KCNH6: variants seen among roughly 807,000 people sequenced by gnomAD.
KCNH6 encodes voltage-gated inwardly rectifying potassium channel KCNH6.
In KCNH6, 81 loss-of-function variants were observed where a neutral mutation model predicts 83.4. That is an observed-to-expected ratio of 0.97 (90% confidence interval 0.81 to 1.17). KCNH6 has a LOEUF of 1.17. KCNH6 is among the 50% of genes most tolerant of loss of function. The probability of loss-of-function intolerance (pLI) is 0.00; values close to 1 mark genes in which losing one functional copy is unlikely to be tolerated. For missense variants in KCNH6, 1,203 were observed against 1,290.5 expected, an observed-to-expected ratio of 0.93 and a Z score of 1.04; for synonymous variants, 503 against 545.6, an observed-to-expected ratio of 0.92 and a Z score of 1.09.
Position 63,523,529 on chromosome 17 carries a change from T to C in KCNH6, c.76+40T>C. On this transcript the variant is annotated intron_variant, in intron 1 of 12. Transcript: ENST00000314672. The surrounding 1 kb of genome is among the most constrained non-coding windows in gnomAD (Gnocchi z 4.2). ...GTTGGGGCGGGGGGACGATCTGGAGTCCTGGTTCCGTGAAAGGGGGGGCTG... is the reference window on the plus strand; with the variant it reads ...GTTGGGGCGGGGGGACGATCTGGAGCCCTGGTTCCGTGAAAGGGGGGGCTG... The C allele has an allele frequency of 2.8e-6, 4 of 1,419,914 alleles. No homozygotes were observed. Among genetic ancestry groups the C allele is most frequent in the Non-Finnish European group, 3.9e-6 (4 of 1,024,720 alleles). The allele number at this position is 1,419,914 out of a possible 1,614,324, so 88.0% of individuals were successfully genotyped here.
In KCNH6 at chr17:63,530,297, C is replaced by T. The variant is rs573371156; in HGVS notation, c.470-40C>T. ...GTGGTGGGAGGGACGCATGAGGGTC[C>T]CCTGGCCGTGGCTGCTCTGACTCCT... is the stretch of plus-strand genomic sequence containing the variant. On this transcript the variant is annotated intron_variant, in intron 3 of 12. Coordinates refer to ENST00000314672, the MANE Select transcript of KCNH6 (RefSeq NM_001278919.2). 7.4e-6 allele frequency: 12 copies of T among 1,613,846 alleles called. No individual in the cohort carries two copies. In the South Asian group the frequency reaches 7.7e-5, roughly 10 times the overall value.
At chr17:63,536,385 G>A (rs1025216284) in intron 6 of KCNH6, among the ~76,000 whole-genome samples, 2 of 152,234 alleles carry the variant, frequency 1.3e-5, no homozygotes, top group Non-Finnish European at 2.9e-5. Context: ...GCTCAAGGCT[G>A]TAATCCCAGC....
rs191467632 is a variant in KCNH6 at position 63,523,547 on chromosome 17, G to A, written c.76+58G>A. The A allele has an allele frequency of 2.0e-6, 3 of 1,504,944 alleles. No homozygotes were observed. The highest frequency in any genetic ancestry group is 1.4e-5 in the African/African-American group (1 of 71,088). 93.2% of individuals were successfully genotyped at this position (1,504,944 alleles called of 1,614,324 possible). ...TCTGGAGTCCTGGTTCCGTGAAAGG[G>A]GGGGCTGGACCCCTTTACTAACTTC... On this transcript the variant is annotated intron_variant, in intron 1 of 12. Transcript: ENST00000314672. The surrounding 1 kb of genome is among the most constrained non-coding windows in gnomAD (Gnocchi z 4.2).
At position 63,544,291 on chromosome 17, in the gene KCNH6, G is replaced by C; in HGVS notation, c.2276G>C (p.Trp759Ser). 1 of 1,609,240 alleles carries C rather than the reference G, an allele frequency of 6.2e-7. No individual in the cohort carries two copies. Among genetic ancestry groups the C allele is most frequent in the Non-Finnish European group, 8.5e-7 (1 of 1,177,690 alleles). Residue 759 changes from tryptophan (W) to serine (S), a missense_variant, in exon 11 of 13, where the codon TGG (tryptophan) becomes TCG (serine). By Grantham distance (177) the Trp-to-Ser change is radical. Transcript: ENST00000314672. ...PLSISDASGL[W>S]PELLQEMPPR... ...AGCATCTCAGATGCATCTGGCCTCT[G>C]GCCTGAGCTACTGCAGGAAATGCCC...
chr17:63,536,952 CAA>C (rs60039258), intron 6 of KCNH6, among the ~76,000 whole-genome samples: 362 of 56,470 alleles, frequency 6.4e-3, no homozygotes, highest in African/African-American at 0.024. Flanking sequence ...GACTCCGTCT[CAA>C]AAAAAAAAAA....
At position 63,545,202 on chromosome 17, in the gene KCNH6, A is replaced by G. The variant is rs1259117832; in HGVS notation, c.2521A>G (p.Ile841Val). 6.2e-7 allele frequency: 1 copy of G among 1,613,794 alleles called. No homozygotes were observed. The highest frequency in any genetic ancestry group is 1.7e-5 in the Admixed American group (1 of 60,030). Residue 841 changes from isoleucine (I) to valine (V), a missense_variant, in exon 12 of 13, where the codon ATA becomes GTA. Coordinates refer to ENST00000314672, the MANE Select transcript of KCNH6 (RefSeq NM_001278919.2). Reference protein sequence around the residue: ...PASNDLALVPIASETTSPGPR... With the variant: ...PASNDLALVPVASETTSPGPR... ...CTCCAATGACCTGGCCTTGGTTCCT[A>G]TAGCCTCGGAGACGACGAGTCCAGG...
Position 63,540,660 on chromosome 17 carries a change from T to C in KCNH6, c.1955-1581T>C, listed in dbSNP as rs1022391276. Reference sequence around the variant, plus strand: ...GTGACCCTGGCAAGCCGCTTCCCTCTCCAGGCCTCAGCCCCCTCCTTTGTG... The same window carrying C: ...GTGACCCTGGCAAGCCGCTTCCCTCCCCAGGCCTCAGCCCCCTCCTTTGTG... On this transcript the variant is annotated intron_variant, in intron 8 of 12. Transcript: ENST00000314672. 3.3e-5 allele frequency among the ~76,000 whole-genome samples: 5 copies of C among 152,266 alleles called. No individual in the cohort carries two copies. In the East Asian group the frequency reaches 9.7e-4, roughly 29 times the overall value.
Position 63,524,186 on chromosome 17 carries a change from AT to A in KCNH6, c.127del (p.Tyr43ThrfsTer17), listed in dbSNP as rs1568062251. 1 of 1,614,172 alleles carries A rather than the reference AT, an allele frequency of 6.2e-7. No individual in the cohort carries two copies. The highest frequency in any genetic ancestry group is 2.2e-5 in the East Asian group (1 of 44,882). On this transcript the variant is annotated frameshift_variant, in exon 2 of 13. Transcript: ENST00000314672. LOFTEE classifies it high-confidence loss of function. ...ANAQMENCAI[I>X]YCNDGFCELF... ...TGCTCAGATGGAGAACTGCGCCATC[AT>A]TTACTGCAACGACGGCTTCTGCGAA...
In KCNH6 at chr17:63,533,880, C is replaced by A. The variant is rs8080494; in HGVS notation, c.676-6C>A. The A allele has an allele frequency of 9.8e-4, 1,580 of 1,609,558 alleles. 16 individuals carry two copies. In the African/African-American group the frequency reaches 0.019, roughly 19 times the overall value. ...GTGCCTGACCTCCCTCGGCCCCCAC[C>A]CCCAGGTCCTGTCCCTGGGCGCGGA... On this transcript the variant is annotated splice_polypyrimidine_tract_variant and splice_region_variant and intron_variant, in intron 4 of 12. Transcript: ENST00000314672. The surrounding 1 kb of genome is among the most constrained non-coding windows in gnomAD (Gnocchi z 4.1).
chr17:63,539,423 G>T (rs375864303), intron 8 of KCNH6, among the ~76,000 whole-genome samples: 3 of 152,068 alleles, frequency 2.0e-5, no homozygotes, highest in African/African-American at 7.2e-5. Flanking sequence ...CGCTCCCACG[G>T]CTTCAGCCTT....
rs1259482853 is a variant in KCNH6, at chr17:63,545,261, A to T, written c.2580A>T (p.Ala860=). The change falls in exon 12 of 13, where the codon GCA becomes GCT. Residue 860 remains alanine (A), a synonymous_variant. Transcript: ENST00000314672. Reference sequence around the variant, plus strand: ...TGCCCCAGGGCTTTCTGCCTCCTGCACAGGTAAGAGGTGAGGGGATTCCCA... The same window carrying T: ...TGCCCCAGGGCTTTCTGCCTCCTGCTCAGGTAAGAGGTGAGGGGATTCCCA... The part of the protein sequence containing the change: ...PRLPQGFLPP[A]QTPSYGDLDD... 1 of 1,613,300 alleles carries T rather than the reference A, an allele frequency of 6.2e-7. No individual in the cohort carries two copies.
At position 63,543,680 on chromosome 17, in the gene KCNH6, AC is replaced by A; in HGVS notation, c.2233+25del. On this transcript the variant is annotated intron_variant, in intron 10 of 12. Transcript: ENST00000314672. ...AGTCAGGTGAGCAAAGCCAGCCCCCACCCCCACCAGCCTGTAGCCCCTGCCC... is the reference window on the plus strand; with the variant it reads ...AGTCAGGTGAGCAAAGCCAGCCCCCACCCCACCAGCCTGTAGCCCCTGCCC... The A allele has an allele frequency of 1.4e-6, 2 of 1,390,356 alleles. No individual in the cohort carries two copies. Among genetic ancestry groups the A allele is most frequent in the Non-Finnish European group, 2.0e-6 (2 of 1,020,600 alleles). 86.1% of individuals were successfully genotyped at this position (1,390,356 alleles called of 1,614,324 possible). A position where few individuals can be genotyped will look rare whatever the true frequency, so the allele number is the denominator to read the frequency against.
Position 63,535,300 on chromosome 17 carries a change from GCTGCTCATGCT to G in KCNH6, c.1102-368_1102-358del, listed in dbSNP as rs2032410534. 1.3e-5 allele frequency among the ~76,000 whole-genome samples: 2 copies of G among 152,106 alleles called. No homozygotes were observed. Among genetic ancestry groups the G allele is most frequent in the Admixed American group, 1.3e-4 (2 of 15,284 alleles). ...GCCACGCACTTCACACCTCAGTGCCGCTGCTCATGCTGCTCCCTGAGCCAGGAGTGCCCTTT... is the reference window on the plus strand; with the variant it reads ...GCCACGCACTTCACACCTCAGTGCCGGCTCCCTGAGCCAGGAGTGCCCTTT... On this transcript the variant is annotated intron_variant, in intron 5 of 12. Transcript: ENST00000314672. The surrounding 1 kb of genome is among the most constrained non-coding windows in gnomAD (Gnocchi z 4.9).
intron 6 of KCNH6, among the ~76,000 whole-genome samples, chr17:63,536,947 C>G: frequency 1.0e-5 from 1 of 95,758 alleles, no homozygotes; most frequent in South Asian, 3.1e-4. Flanking sequence ...AGCAAGACTC[C>G]GTCTCAAAAA....
intron 6 of KCNH6, 93 bp downstream of exon 6, chr17:63,536,161 C>A: frequency 8.8e-7 from 1 of 1,139,144 alleles, no homozygotes; most frequent in Non-Finnish European, 1.3e-6. Flanking sequence ...GAACATAACA[C>A]ATAGCAACAA....
At chr17:63,537,019 G>A (rs551624241) in intron 6 of KCNH6, among the ~76,000 whole-genome samples, 1 of 150,260 alleles carries the variant, frequency 6.7e-6, no homozygotes, top group Admixed American at 6.6e-5. Context: ...ACCAAATGCA[G>A]GGCTCTTAGC....
downstream of KCNH6, chr17:63,548,710 T>A (rs1307588503): frequency 5.3e-5 from 8 of 152,210 alleles, no homozygotes; most frequent in Non-Finnish European, 1.2e-4. Context: ...ATAAATATCA[T>A]TATTTTTTAT....
intron 4 of KCNH6, among the ~76,000 whole-genome samples, chr17:63,531,037 C>T (rs2032073790): frequency 6.6e-6 from 1 of 152,204 alleles, no homozygotes; most frequent in South Asian, 2.1e-4. Flanking sequence ...CTCCTGCATG[C>T]CAGGCAGGGC....
chr17:63,538,773 TGG>T lies in KCNH6; in HGVS notation c.1954+112_1954+113del, dbSNP rs2032694978. The T allele has an allele frequency of 2.6e-6, 3 of 1,151,748 alleles. No homozygotes were observed. The East Asian group carries it at 7.3e-5, about 28-fold the overall frequency. 71.3% of individuals were successfully genotyped at this position (1,151,748 alleles called of 1,614,324 possible). A position where few individuals can be genotyped will look rare whatever the true frequency, so the allele number is the denominator to read the frequency against. ...TTCCTGATGAGGATTTTACTTTTAC[TGG>T]CAGCCACTTGCACAGCATGTGCCCG... On this transcript the variant is annotated intron_variant, in intron 8 of 12. Coordinates refer to ENST00000314672, the MANE Select transcript of KCNH6 (RefSeq NM_001278919.2). This position sits in a 1 kb window ranked among gnomAD's most constrained non-coding sequence, Gnocchi z 4.0.
Sources: gnomAD v4.1 joint callset for allele counts (sites outside exome capture counted in the v4.1 genomes callset) on GRCh38, gnomAD v4.1.1 for gene constraint, Gnocchi (gnomAD v3.1) non-coding constraint, MANE v1.5 for transcripts, NCBI Gene and HGNC (gene_info 2026-07-23, HGNC 2026-07-21) for gene names.